RELN: variants seen among roughly 807,000 people sequenced by gnomAD.
RELN encodes the protein reelin.
A neutral mutation model predicts 427.6 loss-of-function variants in RELN; 108 were observed. That is an observed-to-expected ratio of 0.25 (90% CI 0.22 to 0.30). The LOEUF is 0.30. RELN is among the 10% of genes least tolerant of loss of function. The probability of loss-of-function intolerance (pLI) is 1.00; values close to 1 mark genes in which losing one functional copy is unlikely to be tolerated. For missense variants in RELN, 3,715 were observed against 4,302.8 expected (o/e 0.86, Z 3.82); for synonymous variants, 1,524 against 1,513.4 (o/e 1.01, Z -0.16).
chr7:103,716,372 T>C (rs1027155536), intron 8 of RELN, among the ~76,000 whole-genome samples: 1 of 152,202 alleles, frequency 6.6e-6, no homozygotes. Context: ...TTCTCAAAGA[T>C]TGGGGCAGCG....
chr7:103,728,033 G>A, intron 7 of RELN, 78 bp downstream of exon 7: 3 of 1,327,788 alleles, frequency 2.3e-6, no homozygotes, highest in Non-Finnish European at 3.2e-6. Context: ...AACTTTAAGA[G>A]CATAAGAAAA....
chr7:103,636,962 A>G (rs1832597251), intron 17 of RELN, among the ~76,000 whole-genome samples: 1 of 152,224 alleles, frequency 6.6e-6, no homozygotes, highest in South Asian at 2.1e-4. Flanking sequence ...ACTATTTCAG[A>G]TGTATAAAGG....
At chr7:103,613,988 A>G (rs1562923118) in intron 20 of RELN, among the ~76,000 whole-genome samples, 1 of 152,222 alleles carries the variant, frequency 6.6e-6, no homozygotes. Flanking sequence ...TAATGTTTGC[A>G]TGATTACAAA....
At chr7:103,720,907 C>T (rs976077284) in intron 8 of RELN, among the ~76,000 whole-genome samples, 2 of 152,114 alleles carry the variant, frequency 1.3e-5, no homozygotes, top group African/African-American at 4.8e-5. Flanking sequence ...GCCCGCTATA[C>T]GGTATTCACC....
intron 15 of RELN, among the ~76,000 whole-genome samples, chr7:103,651,399 G>T (rs1832910918): frequency 6.6e-6 from 1 of 152,022 alleles, no homozygotes; most frequent in Non-Finnish European, 1.5e-5. Flanking sequence ...CCACAGAACT[G>T]CCATATAGAA....
chr7:103,723,060 G>C, intron 8 of RELN, 80 bp downstream of exon 8: 2 of 835,062 alleles, frequency 2.4e-6, no homozygotes, highest in Non-Finnish European at 4.2e-6. Context: ...AAAGCATCTG[G>C]CATTATAATC....
At chr7:103,919,103 G>GCATAATC (rs1795553827) in intron 1 of RELN, among the ~76,000 whole-genome samples, 1 of 147,652 alleles carries the variant, frequency 6.8e-6, no homozygotes, top group Non-Finnish European at 1.5e-5. Flanking sequence ...CAGATGTGAT[G>GCATAATC]CATAATCCAT....
At position 103,891,038 on chromosome 7, in the gene RELN, C is replaced by T. The variant is rs184425703; in HGVS notation, c.337+26037G>A. On this transcript the variant is annotated intron_variant, in intron 2 of 64. Transcript: ENST00000428762. ...CAGAGGTTGCAGTGAGCAGAGATCA[C>T]ACCATTGCACTCCAGCCTGAACAAC... 2.7e-3 allele frequency among the ~76,000 whole-genome samples: 406 copies of T among 152,190 alleles called. 2 individuals carry two copies. The highest frequency in any genetic ancestry group is 9.3e-3 in the African/African-American group (388 of 41,524).
At chr7:103,740,701 A>G (rs1790622475) in intron 6 of RELN, among the ~76,000 whole-genome samples, 5 of 152,208 alleles carry the variant, frequency 3.3e-5, no homozygotes, top group Admixed American at 2.0e-4. Context: ...AGTTGAATTC[A>G]TTAGGTGAAG....
chr7:103,782,178 A>G (rs559531053), intron 3 of RELN, among the ~76,000 whole-genome samples: 5 of 152,270 alleles, frequency 3.3e-5, no homozygotes, highest in Non-Finnish European at 7.4e-5. Flanking sequence ...GTTCATTATG[A>G]TCATCATATT....
chr7:103,566,317 C>G lies in RELN; in HGVS notation c.4843G>C (p.Asp1615His), dbSNP rs375040526. ...GFQDKFDGSI[D>H]LQANWYRIQG... Reference sequence around the variant, plus strand: ...ATTCGATACCAGTTGGCTTGCAAATCTATAGAGCCATCAAATTTGTCTTGA... The same window carrying G: ...ATTCGATACCAGTTGGCTTGCAAATGTATAGAGCCATCAAATTTGTCTTGA... The change falls in exon 33 of 65, where the codon GAT (aspartate) becomes CAT (histidine). Residue 1615 changes from aspartate (D) to histidine (H), a missense_variant. Coordinates refer to ENST00000428762, the MANE Select transcript of RELN (RefSeq NM_005045.4). 73 of 1,613,954 alleles carry G rather than the reference C, an allele frequency of 4.5e-5. No homozygotes were observed. Among genetic ancestry groups the G allele is most frequent in the African/African-American group, 8.0e-5 (6 of 74,924 alleles).
chr7:103,613,910 T>A (rs1247793475), intron 20 of RELN, among the ~76,000 whole-genome samples: 2 of 152,228 alleles, frequency 1.3e-5, no homozygotes, highest in African/African-American at 2.4e-5. Flanking sequence ...TCTGAGATGG[T>A]TTCGTGTCCT....
Position 103,545,096 on chromosome 7 carries a change from C to T in RELN, c.6523+28G>A, listed in dbSNP as rs184066417. The T allele has an allele frequency of 1.3e-5, 20 of 1,569,722 alleles. No individual in the cohort carries two copies. In the East Asian group the frequency reaches 4.0e-4, roughly 32 times the overall value. On this transcript the variant is annotated intron_variant, in intron 42 of 64. Coordinates refer to ENST00000428762, the MANE Select transcript of RELN (RefSeq NM_005045.4). ...TTAACATATAAGTTCTTTCACAAGA[C>T]TACATAGAATTTGTAAGAAAAGACT...
At chr7:103,860,368 T>C (rs1794043920) in intron 2 of RELN, among the ~76,000 whole-genome samples, 1 of 152,108 alleles carries the variant, frequency 6.6e-6, no homozygotes, top group African/African-American at 2.4e-5. Context: ...AGGCAGTAAA[T>C]GAGATCACGC....
At chr7:103,956,159 T>C (rs949361092) in intron 1 of RELN, among the ~76,000 whole-genome samples, 12 of 152,194 alleles carry the variant, frequency 7.9e-5, no homozygotes, top group African/African-American at 2.9e-4. Flanking sequence ...ACATTGCTCA[T>C]AGACCATAAA....
Position 103,490,756 on chromosome 7 carries a change from G to A in RELN, c.9517C>T (p.Gln3173Ter). ...TTGTAGATGGTGGCTTCATGGAACT[G>A]GAAAGGGGAGCAGCCAATGCTGTTA... ...SSNSIGCSPF[Q>*]FHEATIYNSV... The change falls in exon 59 of 65, where the codon CAG (glutamine) becomes TAG (stop). Residue 3173 changes from glutamine (Q) to a stop codon, truncating the protein, a stop_gained. Coordinates refer to ENST00000428762, the MANE Select transcript of RELN (RefSeq NM_005045.4). LOFTEE classifies it high-confidence loss of function. The A allele has an allele frequency of 6.2e-7, 1 of 1,614,206 alleles. No individual in the cohort carries two copies. Among genetic ancestry groups the A allele is most frequent in the Non-Finnish European group, 8.5e-7 (1 of 1,180,048 alleles).
intron 2 of RELN, among the ~76,000 whole-genome samples, chr7:103,871,246 T>A (rs935639329): frequency 8.3e-6 from 1 of 119,984 alleles, no homozygotes; most frequent in Non-Finnish European, 1.8e-5. Flanking sequence ...TTTTTATTCT[T>A]TCGAAAAGAA....
At chr7:103,664,328 A>G (rs1401130183) in intron 11 of RELN, among the ~76,000 whole-genome samples, 1 of 152,170 alleles carries the variant, frequency 6.6e-6, no homozygotes, top group Non-Finnish European at 1.5e-5. Flanking sequence ...AGCCTTTCTT[A>G]ACTGGTGTCT....
rs2711839 is a variant in RELN, at chr7:103,565,566, T to A, written c.4937-15A>T. On this transcript the variant is annotated splice_polypyrimidine_tract_variant and intron_variant, in intron 33 of 64. Transcript: ENST00000428762. ...ACGAGGTTTTCCTGAAAAAAAAAAA[T>A]GTGTAATGGTAGCATATATGTGTGC... 1.1e-3 allele frequency: 1,609 copies of A among 1,485,806 alleles called. 7 individuals are homozygous for A. The African/African-American group carries it at 0.017, about 15-fold the overall frequency. The allele number at this position is 1,485,806 out of a possible 1,614,324, so 92.0% of individuals were successfully genotyped here.
Sources: gnomAD v4.1 joint callset for allele counts (sites outside exome capture counted in the v4.1 genomes callset) on GRCh38, gnomAD v4.1.1 for gene constraint, MANE v1.5 for transcripts, NCBI Gene and HGNC (gene_info 2026-07-23, HGNC 2026-07-21) for gene names.